Variants in YAF2 observed in about 807,000 individuals in gnomAD.
YAF2 encodes the protein YY1 associated factor 2.
In YAF2, 7 loss-of-function variants were observed where a neutral mutation model predicts 20.1. The observed-to-expected ratio is 0.35, with a 90% CI of 0.20 to 0.65. The LOEUF is 0.65. Among genes scored for constraint, YAF2 ranks in the 30% least tolerant of loss-of-function variants. The pLI, the probability that YAF2 is intolerant of heterozygous loss-of-function variation, is 0.69. For missense variants in YAF2, 151 were observed against 219.2 expected (o/e 0.69, Z 1.96); for synonymous variants, 74 against 76.0 (o/e 0.97, Z 0.14).
At position 42,203,344 on chromosome 12, in the gene YAF2, C is replaced by A. The variant is rs559302851; in HGVS notation, c.152+34255G>T. On this transcript the variant is annotated intron_variant, in intron 2 of 3. Coordinates refer to ENST00000534854, the MANE Select transcript of YAF2 (RefSeq NM_005748.6). ...GCAACGCTGAATTATTTTATTAATA[C>A]AAACAGTACTTTCATTTCTTTTAAT... 2.1e-4 allele frequency among the ~76,000 whole-genome samples: 32 copies of A among 152,244 alleles called. No homozygotes were observed. The East Asian group carries it at 6.2e-3, about 29-fold the overall frequency.
intron 2 of YAF2, among the ~76,000 whole-genome samples, chr12:42,200,067 G>A (rs868080156): frequency 3.6e-4 from 55 of 152,244 alleles, no homozygotes; most frequent in African/African-American, 1.2e-3. Flanking sequence ...AACATCTCTA[G>A]GAGTTTACTA....
At position 42,165,773 on chromosome 12, in the gene YAF2, GTTTTT is replaced by G. The variant is rs71084620; in HGVS notation, c.153-4013_153-4009del. ...GATGTGAGCTGCTGCGCCCGGCCAG[GTTTTT>G]TTTTTTTTTTTTTTTTTTAATGTAA... On this transcript the variant is annotated intron_variant, in intron 2 of 3. Coordinates refer to ENST00000534854, the MANE Select transcript of YAF2 (RefSeq NM_005748.6). 1.6e-3 allele frequency among the ~76,000 whole-genome samples: 183 copies of G among 116,072 alleles called. 2 individuals carry two copies. The highest frequency in any genetic ancestry group is 8.9e-3 in the South Asian group (31 of 3,500). 76.1% of individuals were successfully genotyped at this position (116,072 alleles called of 152,430 possible).
intron 3 of YAF2, chr12:42,161,150 C>T (rs575395478): frequency 3.1e-6 from 1 of 318,426 alleles, no homozygotes; most frequent in African/African-American, 2.2e-5. Flanking sequence ...GAAATAGTTG[C>T]ACCATGGAGG....
chr12:42,228,181 C>T (rs1460470661), intron 2 of YAF2, among the ~76,000 whole-genome samples: 26 of 81,274 alleles, frequency 3.2e-4, no homozygotes, highest in Admixed American at 4.5e-4. Context: ...CCAGCCGCCC[C>T]GTCCGGGAGG....
intron 2 of YAF2, among the ~76,000 whole-genome samples, chr12:42,228,284 C>A (rs1461436901): frequency 4.0e-5 from 2 of 50,068 alleles, no homozygotes; most frequent in African/African-American, 2.1e-4. Context: ...CCGCCCCGTC[C>A]GGGAGGGAGG....
At chr12:42,179,789 C>CAAAAAAAAAAAA (rs71084622) in intron 2 of YAF2, among the ~76,000 whole-genome samples, 3 of 85,142 alleles carry the variant, frequency 3.5e-5, no homozygotes, top group Non-Finnish European at 6.8e-5. Flanking sequence ...GTCTAAAAGG[C>CAAAAAAAAAAAA]AAAAAAAAAA....
At chr12:42,190,417 T>C (rs1405104745) in intron 2 of YAF2, among the ~76,000 whole-genome samples, 1 of 152,248 alleles carries the variant, frequency 6.6e-6, no homozygotes, top group Non-Finnish European at 1.5e-5. Flanking sequence ...TTTTTCATAA[T>C]CCTAGTTTTG....
chr12:42,221,291 G>C (rs2067503815), intron 2 of YAF2, among the ~76,000 whole-genome samples: 1 of 152,144 alleles, frequency 6.6e-6, no homozygotes, highest in Non-Finnish European at 1.5e-5. Context: ...TGGGACTGGA[G>C]GCTAGGCATG....
At chr12:42,233,034 C>T in intron 2 of YAF2, 1 of 985,382 alleles carries the variant, frequency 1.0e-6, no homozygotes, top group Non-Finnish European at 1.2e-6. Context: ...CCATTTTGCT[C>T]ACCACTGTAT....
chr12:42,165,241 G>A (rs190876871), intron 2 of YAF2, among the ~76,000 whole-genome samples: 1 of 152,098 alleles, frequency 6.6e-6, no homozygotes, highest in Non-Finnish European at 1.5e-5. Flanking sequence ...ACAGGAGGAG[G>A]AGTTATTATA....
At chr12:42,190,459 T>C (rs1310999612) in intron 2 of YAF2, among the ~76,000 whole-genome samples, 1 of 152,252 alleles carries the variant, frequency 6.6e-6, no homozygotes, top group Non-Finnish European at 1.5e-5. Context: ...CTAGCTAGCC[T>C]TACTTTTAAA....
intron 2 of YAF2, among the ~76,000 whole-genome samples, chr12:42,180,876 A>T (rs2066325464): frequency 1.3e-5 from 2 of 152,186 alleles, no homozygotes; most frequent in African/African-American, 4.8e-5. Context: ...TGAATCCAAG[A>T]GACGGAGGTT....
intron 2 of YAF2, among the ~76,000 whole-genome samples, chr12:42,177,289 T>C (rs761427154): frequency 3.9e-5 from 6 of 152,148 alleles, no homozygotes; most frequent in Non-Finnish European, 8.8e-5. Flanking sequence ...CAAAATACCA[T>C]AGACTGGGTA....
intron 2 of YAF2, among the ~76,000 whole-genome samples, chr12:42,224,936 C>G (rs1377195837): frequency 6.6e-6 from 1 of 152,128 alleles, no homozygotes; most frequent in Non-Finnish European, 1.5e-5. Flanking sequence ...GTTCTAGATC[C>G]CTGAGGAATC....
intron 2 of YAF2, among the ~76,000 whole-genome samples, chr12:42,228,160 C>A (rs2067817406): frequency 1.1e-5 from 1 of 89,078 alleles, no homozygotes; most frequent in African/African-American, 4.8e-5. Context: ...GGGGGTCGGC[C>A]CCCCGCCCGG....
chr12:42,227,561 C>A (rs1026124155), intron 2 of YAF2, among the ~76,000 whole-genome samples: 17 of 149,092 alleles, frequency 1.1e-4, no homozygotes, highest in African/African-American at 3.8e-4. Flanking sequence ...AGCGTCTCTG[C>A]CCGGCCGCCC....
intron 2 of YAF2, among the ~76,000 whole-genome samples, chr12:42,182,453 C>T (rs1216756247): frequency 6.6e-6 from 1 of 152,100 alleles, no homozygotes; most frequent in African/African-American, 2.4e-5. Flanking sequence ...TCTGTTTTAT[C>T]ACTTACATCA....
intron 2 of YAF2, among the ~76,000 whole-genome samples, chr12:42,200,962 C>A (rs1282343489): frequency 1.3e-5 from 2 of 152,092 alleles, no homozygotes; most frequent in Admixed American, 6.5e-5. Flanking sequence ...CTCTTTCTGA[C>A]TTTTCATGAG....
At chr12:42,211,427 C>CAAA (rs34683165) in intron 2 of YAF2, among the ~76,000 whole-genome samples, 17 of 51,630 alleles carry the variant, frequency 3.3e-4, no homozygotes, top group South Asian at 9.0e-4. Flanking sequence ...ACTCTGTCTC[C>CAAA]AAAAAAAAAA....
Sources: allele counts gnomAD v4.1 joint callset (sites outside exome capture counted in the v4.1 genomes callset), GRCh38; gene constraint gnomAD v4.1.1; transcripts MANE v1.5; gene names NCBI Gene and HGNC (gene_info 2026-07-23, HGNC 2026-07-21).